Variants in METTL15 observed in about 807,000 individuals in gnomAD.
METTL15 encodes the protein methyltransferase 15, mitochondrial 12S rRNA N4-cytidine.
A neutral mutation model predicts 38.3 loss-of-function variants in METTL15; 34 were observed. That is an observed-to-expected ratio of 0.89 (90% CI 0.68 to 1.18). METTL15 has a LOEUF of 1.18. Among genes scored for constraint, METTL15 ranks in the 50% most tolerant of loss-of-function variants. The pLI is 0.00. For synonymous variants in METTL15, 162 were observed against 170.9 expected, an observed-to-expected ratio of 0.95 and a Z score of 0.41; for missense variants, 438 against 498.4, an observed-to-expected ratio of 0.88 and a Z score of 1.15.
chr11:28,500,689 A>T (rs942596482), intron 6 of METTL15, among the ~76,000 whole-genome samples: 1 of 152,070 alleles, frequency 6.6e-6, no homozygotes, highest in African/African-American at 2.4e-5. Flanking sequence ...AGCCTAGCTA[A>T]TTTTTATATT....
intron 6 of METTL15, among the ~76,000 whole-genome samples, chr11:28,328,667 T>G (rs550550287): frequency 6.6e-6 from 1 of 152,220 alleles, no homozygotes. Flanking sequence ...TACATTAATA[T>G]CTTGTTTGTA....
chr11:28,236,055 T>G (rs933681045), intron 4 of METTL15, among the ~76,000 whole-genome samples: 6 of 152,188 alleles, frequency 3.9e-5, no homozygotes, highest in African/African-American at 1.4e-4. Flanking sequence ...TCTGCATGTA[T>G]TGAGATAATC....
intron 6 of METTL15, among the ~76,000 whole-genome samples, chr11:28,477,831 T>G (rs908503317): frequency 3.9e-5 from 6 of 152,210 alleles, no homozygotes; most frequent in Non-Finnish European, 7.3e-5. Flanking sequence ...AATATTTATT[T>G]GTTTTTTAAC....
intron 4 of METTL15, among the ~76,000 whole-genome samples, chr11:28,211,747 C>T (rs897769166): frequency 9.2e-5 from 14 of 151,990 alleles, no homozygotes; most frequent in Admixed American, 7.9e-4. Context: ...AACCATCTGC[C>T]TTTAAAGAAA....
chr11:28,268,370 G>A (rs1479804706), intron 4 of METTL15, among the ~76,000 whole-genome samples: 1 of 151,850 alleles, frequency 6.6e-6, no homozygotes, highest in Non-Finnish European at 1.5e-5. Flanking sequence ...GAAATGATTA[G>A]GAGTTTTTTC....
intron 5 of METTL15, among the ~76,000 whole-genome samples, chr11:28,376,758 T>C (rs1400728294): frequency 6.6e-6 from 1 of 151,710 alleles, no homozygotes; most frequent in South Asian, 2.1e-4. Context: ...GTAGTCTCGA[T>C]GGTCTTTACA....
In METTL15 at chr11:28,239,134, A is replaced by C. The variant is rs185115288; in HGVS notation, c.407+27936A>C. ...TGTAAAAACTATCTACACATTGATG[A>C]CTCCAGATTTTTATCTTCAGCCTTA... On this transcript the variant is annotated intron_variant, in intron 4 of 6. Transcript: ENST00000407364. 7.2e-5 allele frequency among the ~76,000 whole-genome samples: 11 copies of C among 152,108 alleles called. No individual in the cohort carries two copies. The East Asian group carries it at 2.1e-3, about 29-fold the overall frequency.
intron 4 of METTL15, among the ~76,000 whole-genome samples, chr11:28,246,452 G>A (rs1854516939): frequency 6.6e-6 from 1 of 152,056 alleles, no homozygotes; most frequent in South Asian, 2.1e-4. Context: ...GGGGTCATGT[G>A]AAAATATTAC....
intron 6 of METTL15, among the ~76,000 whole-genome samples, chr11:28,320,730 C>G (rs1447946324): frequency 2.6e-5 from 4 of 152,126 alleles, no homozygotes; most frequent in South Asian, 4.1e-4. Context: ...AAATAAACTT[C>G]TAGCTAGATG....
chr11:28,428,379 C>T (rs1408833324), intron 6 of METTL15, among the ~76,000 whole-genome samples: 3 of 152,088 alleles, frequency 2.0e-5, no homozygotes, highest in South Asian at 2.1e-4. Context: ...GGTCTATTGT[C>T]GACCAAAATG....
intron 3 of METTL15, among the ~76,000 whole-genome samples, chr11:28,143,449 GTGT>G (rs2133666809): frequency 6.6e-6 from 1 of 152,142 alleles, no homozygotes; most frequent in South Asian, 2.1e-4. Flanking sequence ...AATGTAGCTG[GTGT>G]TCCATTCTTT....
intron 4 of METTL15, among the ~76,000 whole-genome samples, chr11:28,222,928 GA>G (rs1211806162): frequency 6.6e-6 from 1 of 152,112 alleles, no homozygotes; most frequent in Non-Finnish European, 1.5e-5. Context: ...ATTCATAGAA[GA>G]TTAAACTGTG....
intron 3 of METTL15, among the ~76,000 whole-genome samples, chr11:28,174,458 T>A (rs904521890): frequency 1.3e-5 from 2 of 152,198 alleles, no homozygotes; most frequent in African/African-American, 4.8e-5. Flanking sequence ...ATTTCAAATT[T>A]ATTATAATAT....
At chr11:28,413,763 T>C (rs1303565068) in intron 5 of METTL15, among the ~76,000 whole-genome samples, 3 of 152,176 alleles carry the variant, frequency 2.0e-5, no homozygotes, top group African/African-American at 7.2e-5. Context: ...CTAGTGACTA[T>C]CAGTGCACTC....
At chr11:28,404,233 A>T (rs1284791304) in intron 5 of METTL15, among the ~76,000 whole-genome samples, 1 of 152,152 alleles carries the variant, frequency 6.6e-6, no homozygotes, top group African/African-American at 2.4e-5. Flanking sequence ...TGTTACACAC[A>T]GTTCCGTGGG....
intron 4 of METTL15, among the ~76,000 whole-genome samples, chr11:28,354,708 CAT>C (rs1850075224): frequency 2.0e-5 from 3 of 152,144 alleles, no homozygotes; most frequent in Non-Finnish European, 4.4e-5. Flanking sequence ...CACATAGTGA[CAT>C]AAAGCTTAAG....
rs563753379 is a variant in METTL15, at chr11:28,466,836, T to C, written c.*424+42472T>C. Among the ~76,000 whole-genome samples, 7 of 152,316 alleles carry C rather than the reference T, an allele frequency of 4.6e-5. No homozygotes were observed. In the South Asian group the frequency reaches 1.0e-3, roughly 23 times the overall value. ...AGAAGCATTTAGGCTCCATGGTTTG[T>C]ATACTGACAAAATGGGCTTTTGTCT... On this transcript the variant is annotated intron_variant and NMD_transcript_variant, in intron 6 of 7. Coordinates refer to the METTL15 transcript ENST00000532947.
At chr11:28,189,293 T>G (rs1851615639) in intron 3 of METTL15, among the ~76,000 whole-genome samples, 1 of 151,290 alleles carries the variant, frequency 6.6e-6, no homozygotes, top group African/African-American at 2.4e-5. Context: ...GATTTTTGTG[T>G]GTTGAATGTA....
intron 5 of METTL15, among the ~76,000 whole-genome samples, chr11:28,373,878 A>G (rs1039194890): frequency 2.0e-5 from 3 of 152,128 alleles, no homozygotes; most frequent in African/African-American, 7.2e-5. Flanking sequence ...TCAGCTTTCT[A>G]CATATGGCTA....
Sources: gnomAD v4.1 joint callset for allele counts (sites outside exome capture counted in the v4.1 genomes callset) on GRCh38, gnomAD v4.1.1 for gene constraint, MANE v1.5 for transcripts, NCBI Gene and HGNC (gene_info 2026-07-23, HGNC 2026-07-21) for gene names.